Variants in ZBTB7C observed in about 807,000 individuals in gnomAD.
ZBTB7C encodes the protein zinc finger and BTB domain containing 7C, also known as zinc finger and BTB domain-containing protein 7C.
Under a neutral mutation model 25.7 loss-of-function variants are expected in ZBTB7C, and 8 were observed. The ratio of observed to expected loss-of-function variants is 0.31; its 90% CI spans 0.18 to 0.56. The LOEUF (loss-of-function observed/expected upper bound fraction) is 0.56, where lower values mean the gene tolerates loss of function less well. Among genes scored for constraint, ZBTB7C ranks in the 20% least tolerant of loss-of-function variants. The pLI, the probability that ZBTB7C is intolerant of heterozygous loss-of-function variation, is 0.91. For synonymous variants in ZBTB7C, 394 were observed against 369.0 expected, an observed-to-expected ratio of 1.07 and a Z score of -0.78; for missense variants, 824 against 855.2, an observed-to-expected ratio of 0.96 and a Z score of 0.46.
rs190705886 is a variant in ZBTB7C at position 48,334,556 on chromosome 18, G to A, written c.-79+3618C>T. ...CCTTCACATACACTATCTCATTTGA[G>A]GCTCTGAAAAAACCCAGAAGGCAGG... On this transcript the variant is annotated intron_variant, in intron 2 of 4. Transcript: ENST00000590800. Among the ~76,000 whole-genome samples the A allele has an allele frequency of 1.5e-3, 235 of 152,270 alleles. 2 individuals carry two copies. Among genetic ancestry groups the A allele is most frequent in the African/African-American group, 5.4e-3 (223 of 41,538 alleles).
chr18:48,207,344 C>T (rs1024447036), intron 2 of ZBTB7C, among the ~76,000 whole-genome samples: 2 of 152,142 alleles, frequency 1.3e-5, no homozygotes, highest in African/African-American at 4.8e-5. Context: ...ATGTACAACA[C>T]AAAAACCTCA....
chr18:48,409,736 G>A (rs902332024), upstream of ZBTB7C, among the ~76,000 whole-genome samples: 2 of 152,024 alleles, frequency 1.3e-5, no homozygotes, highest in Non-Finnish European at 2.9e-5. Context: ...CGACGCGGAG[G>A]CGGAGTGGGG....
rs1390210989 is a variant in ZBTB7C, at chr18:48,204,582, T to C, written c.-78-18587A>G. 3.9e-5 allele frequency among the ~76,000 whole-genome samples: 6 copies of C among 152,322 alleles called. No homozygotes were observed. In the East Asian group the frequency reaches 1.2e-3, roughly 29 times the overall value. On this transcript the variant is annotated intron_variant, in intron 2 of 4. Coordinates refer to ENST00000590800, the MANE Select transcript of ZBTB7C (RefSeq NM_001318841.2). ...ACTCCTGAGACATTCCTTCCCTTCA[T>C]GTAGCTTAAGCTTTGCCTCCTTATC...
intron 3 of ZBTB7C, among the ~76,000 whole-genome samples, chr18:48,073,504 C>T (rs936576268): frequency 3.3e-5 from 5 of 152,020 alleles, no homozygotes; most frequent in East Asian, 1.9e-4. Flanking sequence ...GAAGAGTCCC[C>T]GGGGCTGGGA....
intron 2 of ZBTB7C, among the ~76,000 whole-genome samples, chr18:48,278,783 T>C (rs540498326): frequency 2.2e-4 from 33 of 152,184 alleles, no homozygotes; most frequent in Non-Finnish European, 3.5e-4. Context: ...TTTAAGCCAG[T>C]ATATTTAGGG....
intron 2 of ZBTB7C, among the ~76,000 whole-genome samples, chr18:48,197,411 C>T (rs897380782): frequency 6.6e-6 from 1 of 152,354 alleles, no homozygotes; most frequent in African/African-American, 2.4e-5. Context: ...GCAGCCCCTG[C>T]TCCAGCCCTC....
intron 3 of ZBTB7C, among the ~76,000 whole-genome samples, chr18:48,107,855 A>T (rs2039089413): frequency 6.6e-6 from 1 of 152,186 alleles, no homozygotes; most frequent in Non-Finnish European, 1.5e-5. Context: ...GGTTACCCAG[A>T]ACCAGTGCTA....
rs375337994 is a variant in ZBTB7C at position 48,399,517 on chromosome 18, A to G, written c.-304+9709T>C. Among the ~76,000 whole-genome samples, 7 of 152,214 alleles carry G rather than the reference A, an allele frequency of 4.6e-5. No individual in the cohort carries two copies. The East Asian group carries it at 5.8e-4, about 13-fold the overall frequency. ...AAAATTGAGGAGGCACCGTGGCTGCAGAAGGACTGGCCGGTGGGGTGGCGG... is the reference window on the plus strand; with the variant it reads ...AAAATTGAGGAGGCACCGTGGCTGCGGAAGGACTGGCCGGTGGGGTGGCGG... On this transcript the variant is annotated intron_variant, in intron 1 of 4. Coordinates refer to ENST00000590800, the MANE Select transcript of ZBTB7C (RefSeq NM_001318841.2).
chr18:48,326,245 G>A (rs1050837933), intron 2 of ZBTB7C, among the ~76,000 whole-genome samples: 1 of 151,956 alleles, frequency 6.6e-6, no homozygotes, highest in Non-Finnish European at 1.5e-5. Context: ...ACAGGTGCGT[G>A]CTACCATGGC....
At chr18:48,096,347 C>A (rs1016652649) in intron 3 of ZBTB7C, among the ~76,000 whole-genome samples, 1 of 152,148 alleles carries the variant, frequency 6.6e-6, no homozygotes, top group African/African-American at 2.4e-5. Flanking sequence ...CTGAAATGCT[C>A]AGGGCACCAT....
At chr18:48,070,644 T>C (rs1598821292) in intron 3 of ZBTB7C, among the ~76,000 whole-genome samples, 1 of 152,170 alleles carries the variant, frequency 6.6e-6, no homozygotes, top group African/African-American at 2.4e-5. Context: ...ACACTCCCCA[T>C]TCATTGCTCC....
intron 3 of ZBTB7C, among the ~76,000 whole-genome samples, chr18:48,048,551 T>C (rs2036561696): frequency 6.6e-6 from 1 of 152,158 alleles, no homozygotes; most frequent in Non-Finnish European, 1.5e-5. Flanking sequence ...GGTTTCCTCA[T>C]CTGTACAATG....
At chr18:48,335,299 T>C (rs1458926109) in intron 2 of ZBTB7C, among the ~76,000 whole-genome samples, 2 of 152,256 alleles carry the variant, frequency 1.3e-5, no homozygotes, top group Admixed American at 6.5e-5. Context: ...CTTCTTGAAA[T>C]TGATCGTCAC....
chr18:48,123,495 G>T (rs983715463), intron 3 of ZBTB7C, among the ~76,000 whole-genome samples: 1 of 152,238 alleles, frequency 6.6e-6, no homozygotes, highest in African/African-American at 2.4e-5. Flanking sequence ...ACTTGAAGAG[G>T]CCCTTTCAGC....
At chr18:48,048,519 G>C (rs563575811) in intron 3 of ZBTB7C, among the ~76,000 whole-genome samples, 3 of 152,264 alleles carry the variant, frequency 2.0e-5, no homozygotes, top group African/African-American at 7.2e-5. Context: ...TGTGGGACTT[G>C]GTAATTACCC....
intron 2 of ZBTB7C, among the ~76,000 whole-genome samples, chr18:48,254,409 G>A (rs952063614): frequency 1.3e-5 from 2 of 152,118 alleles, no homozygotes; most frequent in African/African-American, 2.4e-5. Flanking sequence ...TCCTTTCCCC[G>A]CTGCTATGTA....
At chr18:48,207,044 G>C (rs1202348357) in intron 2 of ZBTB7C, among the ~76,000 whole-genome samples, 1 of 152,134 alleles carries the variant, frequency 6.6e-6, no homozygotes, top group Non-Finnish European at 1.5e-5. Context: ...TATTTGAATA[G>C]GCACTTCTCA....
At chr18:48,177,219 TG>T (rs2041710733) in intron 3 of ZBTB7C, among the ~76,000 whole-genome samples, 1 of 152,180 alleles carries the variant, frequency 6.6e-6, no homozygotes, top group Non-Finnish European at 1.5e-5. Flanking sequence ...ACCAGCAAAG[TG>T]GTCCCCTCGC....
intron 2 of ZBTB7C, among the ~76,000 whole-genome samples, chr18:48,198,357 G>A (rs1004003261): frequency 2.0e-5 from 3 of 152,264 alleles, no homozygotes; most frequent in East Asian, 1.9e-4. Context: ...CATCAGTTTC[G>A]AGTGCTGCTC....
Sources: gnomAD v4.1 joint callset for allele counts (sites outside exome capture counted in the v4.1 genomes callset) on GRCh38, gnomAD v4.1.1 for gene constraint, MANE v1.5 for transcripts, NCBI Gene and HGNC (gene_info 2026-07-23, HGNC 2026-07-21) for gene names.